The following JAKMIP2 variants were observed in gnomAD, a reference collection of about 807,000 sequenced individuals.
The protein encoded by JAKMIP2 is janus kinase and microtubule interacting protein 2, also known as janus kinase and microtubule-interacting protein 2.
A neutral mutation model predicts 115.0 loss-of-function variants in JAKMIP2; 25 were observed. The ratio of observed to expected loss-of-function variants is 0.22; its 90% CI spans 0.16 to 0.30. The LOEUF (loss-of-function observed/expected upper bound fraction) is 0.30. Among genes scored for constraint, JAKMIP2 ranks in the 10% least tolerant of loss-of-function variants. The pLI is 1.00. For missense variants in JAKMIP2, 642 were observed against 957.6 expected, an observed-to-expected ratio of 0.67 and a Z score of 4.35; for synonymous variants, 334 against 343.6, an observed-to-expected ratio of 0.97 and a Z score of 0.31.
chr5:147,593,775 T>C lies in JAKMIP2; in HGVS notation c.*21-2089A>G, dbSNP rs147283539. Reference sequence around the variant, plus strand: ...AAATAGATTGAGTACATATTTACATTCCACTGGGATGAGAGCCCCAAATAA... The same window carrying C: ...AAATAGATTGAGTACATATTTACATCCCACTGGGATGAGAGCCCCAAATAA... On this transcript the variant is annotated intron_variant, in intron 21 of 21. Transcript: ENST00000616793. Among the ~76,000 whole-genome samples the C allele has an allele frequency of 6.0e-4, 92 of 152,230 alleles. 1 individual carries two copies. The East Asian group carries it at 0.017, about 29-fold the overall frequency.
intron 1 of JAKMIP2, among the ~76,000 whole-genome samples, chr5:147,781,356 G>T (rs2436425): frequency 0.41 from 62,295 of 152,044 alleles, 13,331 homozygotes; most frequent in Admixed American, 0.48. Flanking sequence ...TAAATAAAAT[G>T]AATACATTTC....
rs11739097 is a variant in JAKMIP2 at position 147,632,734 on chromosome 5, T to C, written c.1722A>G (p.Leu574=). The C allele has an allele frequency of 7.4e-6, 12 of 1,613,402 alleles. No homozygotes were observed. The highest frequency in any genetic ancestry group is 1.3e-5 in the African/African-American group (1 of 74,922). Residue 574 remains leucine (L), a synonymous_variant, in exon 13 of 22, where the codon CTA becomes CTG. Coordinates refer to ENST00000616793, the MANE Select transcript of JAKMIP2 (RefSeq NM_001270941.2). The part of the protein sequence containing the change: ...EAENHRLQQE[L]QDARDQNELL... The stretch of plus-strand genomic sequence containing the variant: ...GCTCATTCTGGTCTCTGGCGTCCTG[T>C]AGTTCTTGTTGTAACCGGTGATTTT...
At chr5:147,656,254 T>G (rs1027434432) in intron 3 of JAKMIP2, among the ~76,000 whole-genome samples, 1 of 152,244 alleles carries the variant, frequency 6.6e-6, no homozygotes, top group Non-Finnish European at 1.5e-5. Context: ...GTTATTTTTC[T>G]ATCACATTGA....
intron 1 of JAKMIP2, among the ~76,000 whole-genome samples, chr5:147,756,183 T>C (rs1397935982): frequency 6.6e-6 from 1 of 152,212 alleles, no homozygotes; most frequent in Non-Finnish European, 1.5e-5. Context: ...TTATTATTCC[T>C]TTCAAAGCAC....
intron 12 of JAKMIP2, among the ~76,000 whole-genome samples, chr5:147,635,951 C>T (rs1247062830): frequency 6.6e-6 from 1 of 152,150 alleles, no homozygotes; most frequent in Non-Finnish European, 1.5e-5. Flanking sequence ...AGTATATATA[C>T]AGTGTATATG....
intron 1 of JAKMIP2, among the ~76,000 whole-genome samples, chr5:147,758,748 C>G (rs1754831473): frequency 6.6e-6 from 1 of 151,994 alleles, no homozygotes; most frequent in Non-Finnish European, 1.5e-5. Context: ...TCATGACCAG[C>G]TAAAAGAGTT....
At chr5:147,591,886 T>A (rs1339248545) in intron 21 of JAKMIP2, among the ~76,000 whole-genome samples, 200 bp from the exon 22 acceptor site, 4 of 152,200 alleles carry the variant, frequency 2.6e-5, no homozygotes, top group Non-Finnish European at 5.9e-5. Context: ...CAAAGGTTGT[T>A]GCAACACAAT....
chr5:147,715,714 T>C (rs954350756), intron 1 of JAKMIP2, among the ~76,000 whole-genome samples: 3 of 151,852 alleles, frequency 2.0e-5, no homozygotes, highest in African/African-American at 7.2e-5. Flanking sequence ...ATAGTCGTAG[T>C]AGGAGTTTTT....
At chr5:147,637,436 G>GCTTTTTTTTTTT (rs1561506660) in intron 10 of JAKMIP2, among the ~76,000 whole-genome samples, 1 of 74,040 alleles carries the variant, frequency 1.4e-5, no homozygotes, top group African/African-American at 5.4e-5. Context: ...AAATTCTTTT[G>GCTTTTTTTTTTT]ATTTTTTTTT....
chr5:147,612,332 T>G lies in JAKMIP2; in HGVS notation c.2386A>C (p.Arg796=). 6.4e-7 allele frequency: 1 copy of G among 1,561,398 alleles called. No individual in the cohort carries two copies. Among genetic ancestry groups the G allele is most frequent in the Non-Finnish European group, 8.8e-7 (1 of 1,137,052 alleles). ...TTTTCTTCTAAGTCTTTTATTTGTC[T>G]TTTCTGGATGTCTGTTTTATCTTCT... is the stretch of plus-strand genomic sequence containing the variant. ...DLEDKTDIQK[R]QIKDLEEKFL... Residue 796 remains arginine, a synonymous_variant, in exon 20 of 22, where the codon AGA becomes CGA. Transcript: ENST00000616793.
At chr5:147,697,280 ACT>A (rs1299614685) in intron 1 of JAKMIP2, among the ~76,000 whole-genome samples, 4 of 152,068 alleles carry the variant, frequency 2.6e-5, no homozygotes, top group Non-Finnish European at 5.9e-5. Flanking sequence ...CCCCTGATAA[ACT>A]CAGCAGATCT....
At chr5:147,721,062 G>C (rs1292315775) in intron 1 of JAKMIP2, among the ~76,000 whole-genome samples, 10 of 151,846 alleles carry the variant, frequency 6.6e-5, no homozygotes, top group African/African-American at 1.7e-4. Flanking sequence ...AGTTTTCCTT[G>C]TAACAGACAG....
intron 1 of JAKMIP2, among the ~76,000 whole-genome samples, chr5:147,731,273 TGG>T (rs1217640076): frequency 6.6e-6 from 1 of 152,112 alleles, no homozygotes; most frequent in Non-Finnish European, 1.5e-5. Context: ...ATAAATCCTT[TGG>T]GGGGTTGCGA....
intron 2 of JAKMIP2, among the ~76,000 whole-genome samples, chr5:147,664,098 G>A (rs929440843): frequency 9.9e-5 from 15 of 152,168 alleles, no homozygotes; most frequent in Non-Finnish European, 1.9e-4. Context: ...AACTGATTCT[G>A]TTTCTTTTTA....
intron 1 of JAKMIP2, among the ~76,000 whole-genome samples, chr5:147,682,608 T>G (rs1760348119): frequency 6.6e-6 from 1 of 152,192 alleles, no homozygotes; most frequent in South Asian, 2.1e-4. Flanking sequence ...CAACAATGAC[T>G]ACCATGAAGT....
intron 1 of JAKMIP2, among the ~76,000 whole-genome samples, chr5:147,746,446 T>C (rs1379938005): frequency 6.6e-6 from 1 of 152,066 alleles, no homozygotes; most frequent in Admixed American, 6.6e-5. Flanking sequence ...TTATGCATTA[T>C]AAACTAGAGT....
intron 1 of JAKMIP2, among the ~76,000 whole-genome samples, chr5:147,751,817 G>T (rs1472182405): frequency 2.0e-5 from 3 of 152,194 alleles, no homozygotes; most frequent in Non-Finnish European, 4.4e-5. Context: ...TGCCCTGATG[G>T]ATGAGGTTCT....
chr5:147,628,134 C>T (rs2126676770), intron 16 of JAKMIP2, among the ~76,000 whole-genome samples: 1 of 152,256 alleles, frequency 6.6e-6, no homozygotes, highest in Admixed American at 6.5e-5. Context: ...TGAGCCTCCT[C>T]CCTCAGCCTC....
At chr5:147,634,067 A>G (rs1380428335) in intron 12 of JAKMIP2, among the ~76,000 whole-genome samples, 1 of 152,226 alleles carries the variant, frequency 6.6e-6, no homozygotes, top group Non-Finnish European at 1.5e-5. Flanking sequence ...TATTAGCTGT[A>G]TAGGTGGGCA....
Sources: gnomAD v4.1 joint callset for allele counts (sites outside exome capture counted in the v4.1 genomes callset) on GRCh38, gnomAD v4.1.1 for gene constraint, MANE v1.5 for transcripts, NCBI Gene and HGNC (gene_info 2026-07-23, HGNC 2026-07-21) for gene names.